CREB1: variants seen among roughly 807,000 people sequenced by gnomAD.
CREB1 encodes cAMP responsive element binding protein 1, also known as cyclic AMP-responsive element-binding protein 1.
A neutral mutation model predicts 42.0 loss-of-function variants in CREB1; 2 were observed. The ratio of observed to expected loss-of-function variants is 0.05; its 90% CI spans 0.02 to 0.15. The LOEUF is 0.15. Ranked by LOEUF, CREB1 falls within the 10% of genes least tolerant of loss-of-function variation. The pLI is 1.00. For synonymous variants in CREB1, 123 were observed against 139.9 expected, an observed-to-expected ratio of 0.88 and a Z score of 0.85; for missense variants, 199 against 388.9, an observed-to-expected ratio of 0.51 and a Z score of 4.11.
rs2106636826 is a variant in CREB1 at position 207,598,076 on chromosome 2, T to C, written c.*1018T>C. ...GTCAAATAAAGCAAAGTGATATATA[T>C]TTGTTTATGAAATGTTACATGTAGA... On this transcript the variant is annotated 3_prime_UTR_variant, in exon 8 of 8. Transcript: ENST00000353267. 1 of 180,882 alleles carries C rather than the reference T, an allele frequency of 5.5e-6. No homozygotes were observed. Among genetic ancestry groups the C allele is most frequent in the African/African-American group, 2.4e-5 (1 of 42,516 alleles). 11.2% of individuals were successfully genotyped at this position (180,882 alleles called of 1,614,324 possible). A position where few individuals can be genotyped will look rare whatever the true frequency, so the allele number is the denominator to read the frequency against.
intron 1 of CREB1, among the ~76,000 whole-genome samples, chr2:207,547,706 T>C (rs1207316081): frequency 6.6e-6 from 1 of 151,982 alleles, no homozygotes; most frequent in African/African-American, 2.4e-5. Context: ...TAAGCAACAC[T>C]GTCTCTTGGT....
In CREB1 at chr2:207,597,741, T is replaced by G; in HGVS notation, c.*683T>G. The G allele has an allele frequency of 4.9e-6, 1 of 204,126 alleles. No homozygotes were observed. The highest frequency in any genetic ancestry group is 1.0e-5 in the Non-Finnish European group (1 of 99,688). 12.6% of individuals were successfully genotyped at this position (204,126 alleles called of 1,614,324 possible). ...GGGCAGTTGTTGCTTCTTAATTCAG[T>G]TCTGTATGTGTTCAACATTTTTGAA... On this transcript the variant is annotated 3_prime_UTR_variant, in exon 8 of 8. Transcript: ENST00000353267.
chr2:207,602,919 C>A lies in CREB1; in HGVS notation c.*5861C>A. ...TCCCTGCAAAAGGAATTATTTCTAA[C>A]CCAGATGTATCACTTGAAACTTTTT... is the stretch of plus-strand genomic sequence containing the variant. On this transcript the variant is annotated 3_prime_UTR_variant, in exon 8 of 8. Coordinates refer to ENST00000353267, the MANE Select transcript of CREB1 (RefSeq NM_004379.5). The A allele has an allele frequency of 4.6e-6, 1 of 216,112 alleles. No individual in the cohort carries two copies. Among genetic ancestry groups the A allele is most frequent in the Non-Finnish European group, 9.3e-6 (1 of 107,274 alleles). The allele number at this position is 216,112 out of a possible 1,614,324, so 13.4% of individuals were successfully genotyped here.
At chr2:207,564,078 C>T (rs1472207536) in intron 3 of CREB1, among the ~76,000 whole-genome samples, 1 of 151,912 alleles carries the variant, frequency 6.6e-6, no homozygotes, top group Non-Finnish European at 1.5e-5. Context: ...TTTAAGAACT[C>T]TTGTTTTATA....
In CREB1 at chr2:207,603,839, T is replaced by TA. The variant is rs376856014; in HGVS notation, c.*6783dup. On this transcript the variant is annotated 3_prime_UTR_variant, in exon 8 of 8. Coordinates refer to ENST00000353267, the MANE Select transcript of CREB1 (RefSeq NM_004379.5). ...GGAGGGGATATGGTTAATCTTTGCT[T>TA]AAGCTGTAAGAATAAAAAAGTTATC... is the stretch of plus-strand genomic sequence containing the variant. Among the ~76,000 whole-genome samples, 6 of 152,212 alleles carry TA rather than the reference T, an allele frequency of 3.9e-5. No homozygotes were observed. The highest frequency in any genetic ancestry group is 1.4e-4 in the African/African-American group (6 of 41,448).
In CREB1 at chr2:207,599,581, T is replaced by G. The variant is rs1361906381; in HGVS notation, c.*2523T>G. ...TGATTGCACTGGTTTTGAAGTCAGT[T>G]GCTTAATGATGAGGTGAGAAATGTA... On this transcript the variant is annotated 3_prime_UTR_variant, in exon 8 of 8. Transcript: ENST00000353267. 1 of 197,784 alleles carries G rather than the reference T, an allele frequency of 5.1e-6. No individual in the cohort carries two copies. Among genetic ancestry groups the G allele is most frequent in the Non-Finnish European group, 1.0e-5 (1 of 95,514 alleles). The allele number at this position is 197,784 out of a possible 1,614,324, so 12.3% of individuals were successfully genotyped here.
At chr2:207,591,123 TTA>T (rs2084952933) in intron 7 of CREB1, among the ~76,000 whole-genome samples, 1 of 152,194 alleles carries the variant, frequency 6.6e-6, no homozygotes, top group Admixed American at 6.5e-5. Flanking sequence ...GTGTAGTTGA[TTA>T]TGTCATTCAG....
At chr2:207,576,712 A>T in intron 6 of CREB1, 2 of 1,234,658 alleles carry the variant, frequency 1.6e-6, no homozygotes, top group Non-Finnish European at 2.1e-6. Context: ...TTTAGTATAT[A>T]AATCTTTTCC....
chr2:207,567,407 A>C, intron 3 of CREB1, 56 bp from the exon 4 acceptor site: 1 of 1,292,584 alleles, frequency 7.7e-7, no homozygotes, highest in Non-Finnish European at 1.1e-6. Context: ...TTGTTTAATA[A>C]AAATTTTACA....
In CREB1 at chr2:207,597,424, T is replaced by G; in HGVS notation, c.*366T>G. 1 of 246,238 alleles carries G rather than the reference T, an allele frequency of 4.1e-6. No individual in the cohort carries two copies. The highest frequency in any genetic ancestry group is 7.8e-6 in the Non-Finnish European group (1 of 127,782). 15.3% of individuals were successfully genotyped at this position (246,238 alleles called of 1,614,324 possible). The stretch of plus-strand genomic sequence containing the variant: ...GTTTGTGCTGAGCTCCTTGATTGCC[T>G]TAGGGACAGAATTACCCCAGCCTCT... On this transcript the variant is annotated 3_prime_UTR_variant, in exon 8 of 8. Coordinates refer to ENST00000353267, the MANE Select transcript of CREB1 (RefSeq NM_004379.5).
chr2:207,562,815 A>G (rs985500536), intron 3 of CREB1, among the ~76,000 whole-genome samples: 1 of 152,208 alleles, frequency 6.6e-6, no homozygotes, highest in Admixed American at 6.5e-5. Context: ...TCCAAAATAT[A>G]CAAGGTACAG....
intron 7 of CREB1, among the ~76,000 whole-genome samples, chr2:207,583,047 A>G (rs1465456043): frequency 2.0e-5 from 3 of 152,040 alleles, no homozygotes; most frequent in South Asian, 2.1e-4. Context: ...CAATATAACA[A>G]TTTTTTAAAT....
intron 1 of CREB1, among the ~76,000 whole-genome samples, chr2:207,539,583 A>G (rs2081014438): frequency 6.6e-6 from 1 of 152,224 alleles, no homozygotes; most frequent in Non-Finnish European, 1.5e-5. Flanking sequence ...TCTAGTTGAT[A>G]TAAGCAATAA....
chr2:207,597,244 C>CA lies in CREB1; in HGVS notation c.*186_*187insA. ...TAAACTGTGAATGTTCCAACACCTG[C>CA]CTCCACTTCTCCCCTCAAGAAATTT... On this transcript the variant is annotated 3_prime_UTR_variant, in exon 8 of 8. Coordinates refer to ENST00000353267, the MANE Select transcript of CREB1 (RefSeq NM_004379.5). The CA allele has an allele frequency of 1.9e-6, 1 of 539,352 alleles. No homozygotes were observed. Among genetic ancestry groups the CA allele is most frequent in the South Asian group, 3.7e-5 (1 of 27,322 alleles). The allele number at this position is 539,352 out of a possible 1,614,324, so 33.4% of individuals were successfully genotyped here. A position where few individuals can be genotyped will look rare whatever the true frequency, so the allele number is the denominator to read the frequency against.
At chr2:207,564,518 A>G (rs1182122241) in intron 3 of CREB1, among the ~76,000 whole-genome samples, 1 of 151,836 alleles carries the variant, frequency 6.6e-6, no homozygotes, top group Non-Finnish European at 1.5e-5. Flanking sequence ...CTTAAAAAAA[A>G]AAAATCTTAA....
At chr2:207,576,218 A>G (rs2082586969) in intron 6 of CREB1, among the ~76,000 whole-genome samples, 1 of 146,956 alleles carries the variant, frequency 6.8e-6, no homozygotes, top group Non-Finnish European at 1.5e-5. Flanking sequence ...TTCTCGACAA[A>G]TTATAGAAGT....
chr2:207,561,049 A>T, intron 3 of CREB1: 1 of 1,421,890 alleles, frequency 7.0e-7, no homozygotes, highest in Non-Finnish European at 9.9e-7. Flanking sequence ...CTTATTGAAA[A>T]AAAAGACTTG....
intron 7 of CREB1, among the ~76,000 whole-genome samples, chr2:207,589,936 A>G (rs2084646086): frequency 6.6e-6 from 1 of 152,088 alleles, no homozygotes; most frequent in Non-Finnish European, 1.5e-5. Context: ...TTATTAGGGT[A>G]ATGCTGACCT....
chr2:207,555,540 A>T, intron 1 of CREB1, 88 bp from the exon 2 acceptor site: 1 of 703,234 alleles, frequency 1.4e-6, no homozygotes, highest in Non-Finnish European at 2.5e-6. Flanking sequence ...CACCACATAT[A>T]TACCTATTTA....
Sources: allele counts gnomAD v4.1 joint callset (sites outside exome capture counted in the v4.1 genomes callset), GRCh38; gene constraint gnomAD v4.1.1; transcripts MANE v1.5; gene names NCBI Gene and HGNC (gene_info 2026-07-23, HGNC 2026-07-21).